The following RUNX2 variants were observed in gnomAD, a reference collection of about 807,000 sequenced individuals.
RUNX2 encodes the protein runt-related transcription factor 2.
RUNX2 carries 10 observed loss-of-function variants against 51.7 expected under a neutral mutation model. That is an observed-to-expected ratio of 0.19 (90% CI 0.12 to 0.33). The LOEUF (loss-of-function observed/expected upper bound fraction) is 0.33, where lower values mean the gene tolerates loss of function less well. RUNX2 is among the 10% of genes least tolerant of loss of function. The pLI, the probability that RUNX2 is intolerant of heterozygous loss-of-function variation, is 1.00. For missense variants in RUNX2, 562 were observed against 691.3 expected, an observed-to-expected ratio of 0.81 and a Z score of 2.10; for synonymous variants, 276 against 273.6, an observed-to-expected ratio of 1.01 and a Z score of -0.09.
intron 5 of RUNX2, among the ~76,000 whole-genome samples, chr6:45,475,355 T>G (rs988760521): frequency 6.6e-6 from 1 of 152,158 alleles, no homozygotes; most frequent in African/African-American, 2.4e-5. Flanking sequence ...ATTAGACTTA[T>G]TGGCAGAAAT....
intron 5 of RUNX2, among the ~76,000 whole-genome samples, chr6:45,481,536 T>C (rs1355481417): frequency 6.6e-6 from 1 of 152,234 alleles, no homozygotes; most frequent in Non-Finnish European, 1.5e-5. Context: ...AAGAGTTTTT[T>C]TGTTCATTTC....
chr6:45,508,806 T>A (rs535801452), intron 6 of RUNX2, among the ~76,000 whole-genome samples: 5 of 152,334 alleles, frequency 3.3e-5, no homozygotes, highest in Non-Finnish European at 5.9e-5. Flanking sequence ...GATATAAACC[T>A]CTTTGGTAGC....
chr6:45,365,745 G>T (rs1197582390), intron 2 of RUNX2, among the ~76,000 whole-genome samples: 1 of 150,266 alleles, frequency 6.7e-6, no homozygotes, highest in African/African-American at 2.5e-5. Flanking sequence ...ATATATGAAG[G>T]TTCCAAGTAA....
intron 7 of RUNX2, among the ~76,000 whole-genome samples, chr6:45,535,054 A>T (rs1162027997): frequency 6.6e-6 from 1 of 152,126 alleles, no homozygotes; most frequent in Non-Finnish European, 1.5e-5. Flanking sequence ...GAACACATGG[A>T]CACATAGAGG....
At position 45,368,863 on chromosome 6, in the gene RUNX2, G is replaced by A. The variant is rs1485200612; in HGVS notation, c.58+40079G>A. ...TTTTTATTTTCATAAAATTCCAAAG[G>A]CAGGAAACAATTATGGTTAAGCCAA... On this transcript the variant is annotated intron_variant, in intron 2 of 8. Transcript: ENST00000647337. 4.6e-5 allele frequency among the ~76,000 whole-genome samples: 7 copies of A among 151,596 alleles called. No individual in the cohort carries two copies. In the East Asian group the frequency reaches 1.4e-3, roughly 29 times the overall value.
At chr6:45,439,316 A>T (rs139683028) in intron 5 of RUNX2, among the ~76,000 whole-genome samples, 3 of 152,298 alleles carry the variant, frequency 2.0e-5, no homozygotes, top group Non-Finnish European at 2.9e-5. Flanking sequence ...ATGTCCTGTT[A>T]GGTGATTGCT....
chr6:45,516,257 T>C (rs887693746), intron 7 of RUNX2, among the ~76,000 whole-genome samples: 3 of 152,190 alleles, frequency 2.0e-5, no homozygotes, highest in Non-Finnish European at 2.9e-5. Flanking sequence ...AGTTCAGAGG[T>C]ACAATACAAT....
At chr6:45,460,947 C>A (rs1368480827) in intron 5 of RUNX2, among the ~76,000 whole-genome samples, 1 of 152,050 alleles carries the variant, frequency 6.6e-6, no homozygotes, top group Non-Finnish European at 1.5e-5. Context: ...GTCATACTAT[C>A]CTTAGCGTGT....
At chr6:45,349,491 A>G (rs1249143112) in intron 2 of RUNX2, among the ~76,000 whole-genome samples, 1 of 152,202 alleles carries the variant, frequency 6.6e-6, no homozygotes, top group Non-Finnish European at 1.5e-5. Flanking sequence ...CTGGGAATTT[A>G]TTTGAAAGGC....
chr6:45,470,909 C>T (rs1312789402), intron 5 of RUNX2, among the ~76,000 whole-genome samples: 1 of 152,168 alleles, frequency 6.6e-6, no homozygotes, highest in Non-Finnish European at 1.5e-5. Context: ...TTCATTTTAA[C>T]CCATTTCCTC....
intron 5 of RUNX2, among the ~76,000 whole-genome samples, chr6:45,439,668 CGT>C (rs144689318): frequency 2.3e-4 from 35 of 149,280 alleles, no homozygotes; most frequent in Non-Finnish European, 3.7e-4. Flanking sequence ...TGTTTGTGTG[CGT>C]GTGTGTGTGT....
intron 5 of RUNX2, among the ~76,000 whole-genome samples, chr6:45,459,964 A>G (rs374013104): frequency 5.3e-5 from 8 of 152,320 alleles, no homozygotes; most frequent in African/African-American, 1.9e-4. Flanking sequence ...ATGGGATAGC[A>G]AGCAGGCCAG....
At chr6:45,382,067 T>C (rs778901276) in intron 2 of RUNX2, among the ~76,000 whole-genome samples, 8 of 152,180 alleles carry the variant, frequency 5.3e-5, no homozygotes, top group Non-Finnish European at 8.8e-5. Context: ...AACCATGGAA[T>C]ACCAGAGTTT....
chr6:45,511,079 G>A (rs924374705), intron 6 of RUNX2, among the ~76,000 whole-genome samples: 5 of 152,162 alleles, frequency 3.3e-5, no homozygotes, highest in Admixed American at 6.5e-5. Flanking sequence ...GCATAAAAAC[G>A]TGTTAAGAGA....
chr6:45,377,369 C>G (rs1290873392), intron 2 of RUNX2: 1 of 152,266 alleles, frequency 6.6e-6, no homozygotes, highest in Non-Finnish European at 1.5e-5. Context: ...CCACTAACTA[C>G]CTAACTCTTC....
chr6:45,328,486 T>C (rs1463444884), intron 1 of RUNX2, 26 bp downstream of exon 1: 1 of 1,505,314 alleles, frequency 6.6e-7, no homozygotes, highest in East Asian at 2.8e-5. Flanking sequence ...CCACAGTCTA[T>C]GCAGTAATAG....
intron 3 of RUNX2, 39 bp downstream of exon 3, chr6:45,422,996 G>T (rs3749864): frequency 5.7e-6 from 9 of 1,591,938 alleles, no homozygotes; most frequent in Non-Finnish European, 7.7e-6. Context: ...GGCCGGGAGC[G>T]GCGGAACCTG....
intron 2 of RUNX2, among the ~76,000 whole-genome samples, chr6:45,386,052 C>G (rs1183170890): frequency 6.6e-6 from 1 of 150,906 alleles, no homozygotes; most frequent in Non-Finnish European, 1.5e-5. Context: ...ACTGCCCACC[C>G]AGCAGCTTAT....
intron 5 of RUNX2, among the ~76,000 whole-genome samples, chr6:45,466,277 C>T (rs1799627863): frequency 6.6e-6 from 1 of 151,640 alleles, no homozygotes; most frequent in Admixed American, 6.6e-5. Context: ...CCCGCCATTG[C>T]ACTCCAGCCT....
Sources: allele counts gnomAD v4.1 joint callset (sites outside exome capture counted in the v4.1 genomes callset), GRCh38; gene constraint gnomAD v4.1.1; transcripts MANE v1.5; gene names NCBI Gene and HGNC (gene_info 2026-07-23, HGNC 2026-07-21).